KCNQ5: variants seen among roughly 807,000 people sequenced by gnomAD.
The protein encoded by KCNQ5 is potassium voltage-gated channel subfamily KQT member 5.
KCNQ5 carries 30 observed loss-of-function variants against 98.2 expected under a neutral mutation model. The ratio of observed to expected loss-of-function variants is 0.31; its 90% CI spans 0.23 to 0.41. The LOEUF is 0.41. KCNQ5 is among the 10% of genes least tolerant of loss of function. KCNQ5 has a pLI of 1.00. For missense variants in KCNQ5, 835 were observed against 1,182.5 expected (o/e 0.71, Z 4.31); for synonymous variants, 458 against 449.4 (o/e 1.02, Z -0.24).
chr6:72,842,005 G>A (rs1776817623), intron 1 of KCNQ5, among the ~76,000 whole-genome samples: 1 of 152,084 alleles, frequency 6.6e-6, no homozygotes, highest in Non-Finnish European at 1.5e-5. Flanking sequence ...AAGTATAAAA[G>A]TAACTTTAAT....
chr6:72,829,786 A>C (rs1776158715), intron 1 of KCNQ5, among the ~76,000 whole-genome samples: 1 of 152,134 alleles, frequency 6.6e-6, no homozygotes, highest in African/African-American at 2.4e-5. Flanking sequence ...GACAAAGTAA[A>C]TTTTCAAGTT....
chr6:72,797,025 A>G (rs1014346960), intron 1 of KCNQ5, among the ~76,000 whole-genome samples: 2 of 152,210 alleles, frequency 1.3e-5, no homozygotes, highest in African/African-American at 4.8e-5. Flanking sequence ...CGTTTTGTCA[A>G]CACACATTAA....
chr6:72,820,548 G>A (rs1412088457), intron 1 of KCNQ5, among the ~76,000 whole-genome samples: 1 of 151,696 alleles, frequency 6.6e-6, no homozygotes, highest in African/African-American at 2.4e-5. Context: ...AAAAGTAGGT[G>A]TGTTCTTTAA....
At chr6:72,941,344 T>C (rs866133124) in intron 1 of KCNQ5, among the ~76,000 whole-genome samples, 33 of 39,004 alleles carry the variant, frequency 8.5e-4, no homozygotes, top group Admixed American at 2.2e-3. Flanking sequence ...TTCCTTCCTT[T>C]CTTCCTTCCT....
chr6:73,181,425 G>A (rs1778400188), intron 11 of KCNQ5, among the ~76,000 whole-genome samples: 1 of 151,860 alleles, frequency 6.6e-6, no homozygotes, highest in Non-Finnish European at 1.5e-5. Flanking sequence ...CCTCCAAAGG[G>A]CTCGTCATAG....
At chr6:72,639,305 T>C (rs1251746407) in intron 1 of KCNQ5, among the ~76,000 whole-genome samples, 1 of 151,726 alleles carries the variant, frequency 6.6e-6, no homozygotes, top group African/African-American at 2.4e-5. Flanking sequence ...AGAAAAGAAG[T>C]GAAAATGTGT....
chr6:72,928,583 G>C (rs1218288253), intron 1 of KCNQ5, among the ~76,000 whole-genome samples: 2 of 151,976 alleles, frequency 1.3e-5, no homozygotes, highest in Non-Finnish European at 2.9e-5. Flanking sequence ...ATAGATTTTG[G>C]ATCTGTGGTA....
chr6:73,112,878 A>T (rs893171939), intron 7 of KCNQ5, among the ~76,000 whole-genome samples: 2 of 152,226 alleles, frequency 1.3e-5, no homozygotes, highest in African/African-American at 4.8e-5. Flanking sequence ...GCTATTCTGC[A>T]ACTGTTGACA....
intron 1 of KCNQ5, among the ~76,000 whole-genome samples, chr6:72,690,885 G>T (rs1768185808): frequency 6.6e-6 from 1 of 151,700 alleles, no homozygotes; most frequent in African/African-American, 2.4e-5. Flanking sequence ...TGTCCTTTAA[G>T]AATTATAAAA....
chr6:73,168,105 A>G (rs1434972826), intron 10 of KCNQ5, among the ~76,000 whole-genome samples: 1 of 152,206 alleles, frequency 6.6e-6, no homozygotes, highest in Non-Finnish European at 1.5e-5. Flanking sequence ...ATGTGTCTAC[A>G]TGTATCTCAT....
At position 73,141,915 on chromosome 6, in the gene KCNQ5, G is replaced by A. The variant is rs569017443; in HGVS notation, c.1468+8274G>A. Among the ~76,000 whole-genome samples the A allele has an allele frequency of 9.7e-4, 148 of 152,306 alleles. 1 individual carries two copies. Among genetic ancestry groups the A allele is most frequent in the African/African-American group, 3.3e-3 (139 of 41,566 alleles). The stretch of plus-strand genomic sequence containing the variant: ...TATAATCTCACAGTTTCTATGGTCA[G>A]GTATCCAGAAGCAGTTTAGCTGAAT... On this transcript the variant is annotated intron_variant, in intron 10 of 13. Coordinates refer to ENST00000370398, the MANE Select transcript of KCNQ5 (RefSeq NM_019842.4).
chr6:73,027,379 T>C (rs1206605192), intron 2 of KCNQ5, among the ~76,000 whole-genome samples: 1 of 152,186 alleles, frequency 6.6e-6, no homozygotes, highest in Non-Finnish European at 1.5e-5. Context: ...CGTATTTGCA[T>C]AGTAATTTGT....
At chr6:72,916,814 G>A (rs1780165984) in intron 1 of KCNQ5, among the ~76,000 whole-genome samples, 2 of 152,106 alleles carry the variant, frequency 1.3e-5, no homozygotes, top group South Asian at 4.2e-4. Flanking sequence ...TTCTGCCTCT[G>A]GCAATGATGT....
At chr6:72,640,672 A>G (rs1582027695) in intron 1 of KCNQ5, 1 of 152,298 alleles carries the variant, frequency 6.6e-6, no homozygotes, top group African/African-American at 2.4e-5. Flanking sequence ...GACACATTTA[A>G]GTAATAGGAT....
At chr6:72,703,590 G>A (rs1768932215) in intron 1 of KCNQ5, among the ~76,000 whole-genome samples, 1 of 152,176 alleles carries the variant, frequency 6.6e-6, no homozygotes, top group African/African-American at 2.4e-5. Flanking sequence ...AAGGTACACA[G>A]ACATAAATTC....
chr6:73,133,290 C>T, intron 9 of KCNQ5, 131 bp from the exon 10 acceptor site: 3 of 713,080 alleles, frequency 4.2e-6, no homozygotes, highest in Non-Finnish European at 7.0e-6. Context: ...AAAATAATTG[C>T]TATGCTCCTA....
chr6:72,954,696 C>T (rs758608846), intron 1 of KCNQ5, among the ~76,000 whole-genome samples: 2 of 152,164 alleles, frequency 1.3e-5, no homozygotes, highest in Non-Finnish European at 2.9e-5. Context: ...CATGATATGA[C>T]TACAAAATGT....
intron 10 of KCNQ5, among the ~76,000 whole-genome samples, chr6:73,160,046 CT>C (rs1247680940): frequency 4.6e-5 from 7 of 152,118 alleles, no homozygotes; most frequent in African/African-American, 1.7e-4. Flanking sequence ...CAGAGTCTCG[CT>C]CTGTCGCCCA....
At chr6:72,844,791 C>T (rs1776949315) in intron 1 of KCNQ5, among the ~76,000 whole-genome samples, 1 of 152,176 alleles carries the variant, frequency 6.6e-6, no homozygotes, top group Non-Finnish European at 1.5e-5. Context: ...TGTGACATTT[C>T]GTGGCCACTG....
Sources: gnomAD v4.1 joint callset for allele counts (sites outside exome capture counted in the v4.1 genomes callset) on GRCh38, gnomAD v4.1.1 for gene constraint, MANE v1.5 for transcripts, NCBI Gene and HGNC (gene_info 2026-07-23, HGNC 2026-07-21) for gene names.